The following SMOC2 variants were observed in gnomAD, a reference collection of about 807,000 sequenced individuals.
The protein encoded by SMOC2 is SPARC related modular calcium binding 2.
SMOC2 carries 39 observed loss-of-function variants against 61.4 expected under a neutral mutation model. That is an observed-to-expected ratio of 0.64 (90% CI 0.49 to 0.83). The LOEUF is 0.83. Ranked by LOEUF, SMOC2 falls within the 40% of genes least tolerant of loss-of-function variation. SMOC2 has a pLI of 0.00. For synonymous variants in SMOC2, 247 were observed against 239.9 expected (o/e 1.03, Z -0.27); for missense variants, 556 against 592.9 (o/e 0.94, Z 0.65).
chr6:168,469,379 G>A (rs187342303), intron 1 of SMOC2, among the ~76,000 whole-genome samples: 48 of 152,188 alleles, frequency 3.2e-4, no homozygotes. Context: ...AAAACTGAAA[G>A]GAGGGACAGG....
At chr6:168,652,861 C>A (rs1225969235) in intron 10 of SMOC2, 93 bp from the exon 11 acceptor site, 7 of 1,212,296 alleles carry the variant, frequency 5.8e-6, no homozygotes, top group South Asian at 1.5e-5. Context: ...ATGAGAACTA[C>A]AAGCAGGGGT....
chr6:168,613,143 G>A (rs561352965), intron 9 of SMOC2, among the ~76,000 whole-genome samples: 25 of 152,298 alleles, frequency 1.6e-4, no homozygotes, highest in Admixed American at 7.8e-4. Context: ...TCATTGTGAC[G>A]ATCTGCGCTG....
chr6:168,528,508 C>T (rs1229146249), intron 4 of SMOC2, among the ~76,000 whole-genome samples: 2 of 152,170 alleles, frequency 1.3e-5, no homozygotes, highest in African/African-American at 2.4e-5. Context: ...AATCTTGAAA[C>T]ATTTGCATTT....
rs933305824 is a variant in SMOC2, at chr6:168,535,777, G to C, written c.464-7848G>C. On this transcript the variant is annotated intron_variant, in intron 4 of 12. Transcript: ENST00000356284. This position sits in a 1 kb window ranked among gnomAD's most constrained non-coding sequence, Gnocchi z 4.6. ...AGGATGTCAGGAGAGAGGCAGCGCC[G>C]CCGGGGGAAGATGGGAGGGAGACCA... Among the ~76,000 whole-genome samples, 1 of 152,200 alleles carries C rather than the reference G, an allele frequency of 6.6e-6. No individual in the cohort carries two copies. The highest frequency in any genetic ancestry group is 1.5e-5 in the Non-Finnish European group (1 of 68,042).
intron 1 of SMOC2, among the ~76,000 whole-genome samples, chr6:168,445,785 C>T (rs1190043169): frequency 3.3e-5 from 5 of 152,182 alleles, no homozygotes; most frequent in African/African-American, 7.2e-5. Context: ...ATTTACATGG[C>T]GTCTAAAAAC....
intron 4 of SMOC2, among the ~76,000 whole-genome samples, chr6:168,542,934 A>G (rs1472209042): frequency 2.0e-5 from 3 of 152,228 alleles, no homozygotes; most frequent in Non-Finnish European, 4.4e-5. Context: ...GTGTATGGCT[A>G]TGGGAATTCC....
At chr6:168,638,844 A>G (rs1012896333) in intron 9 of SMOC2, among the ~76,000 whole-genome samples, 5 of 152,176 alleles carry the variant, frequency 3.3e-5, no homozygotes, top group Non-Finnish European at 4.4e-5. Context: ...AAAAGAATTC[A>G]TAGTTAGACA....
intron 4 of SMOC2, among the ~76,000 whole-genome samples, chr6:168,533,571 C>T (rs183168475): frequency 1.1e-3 from 163 of 152,256 alleles, no homozygotes; most frequent in Middle Eastern, 3.4e-3. Flanking sequence ...GAGGCAGCTG[C>T]GTTTGGTCTC....
chr6:168,646,715 C>T (rs1343561443), intron 9 of SMOC2, among the ~76,000 whole-genome samples: 1 of 152,182 alleles, frequency 6.6e-6, no homozygotes, highest in East Asian at 1.9e-4. Flanking sequence ...GCCAGTTCAG[C>T]CACTTTGTTG....
chr6:168,576,717 T>G (rs2115151481), intron 7 of SMOC2, among the ~76,000 whole-genome samples: 1 of 152,174 alleles, frequency 6.6e-6, no homozygotes, highest in Middle Eastern at 3.4e-3. Flanking sequence ...AGGGAAGGTT[T>G]CCCTGAGGAA....
chr6:168,573,001 T>C (rs1272760217), intron 7 of SMOC2, among the ~76,000 whole-genome samples: 3 of 78,472 alleles, frequency 3.8e-5, no homozygotes, highest in South Asian at 5.0e-4. Context: ...CCCCGGGTGC[T>C]GGGACCAGGG....
intron 11 of SMOC2, among the ~76,000 whole-genome samples, chr6:168,659,990 G>A (rs959653587): frequency 1.3e-5 from 2 of 151,186 alleles, no homozygotes; most frequent in African/African-American, 2.4e-5. Flanking sequence ...GAGTGAGGGT[G>A]GAGGTTGTTG....
At chr6:168,564,883 G>A (rs1784508858) in intron 7 of SMOC2, among the ~76,000 whole-genome samples, 1 of 152,230 alleles carries the variant, frequency 6.6e-6, no homozygotes, top group Non-Finnish European at 1.5e-5. Flanking sequence ...GGTTAACCTG[G>A]ACCTGGAGGG....
At chr6:168,570,528 T>G (rs6455534) in intron 7 of SMOC2, among the ~76,000 whole-genome samples, 12,801 of 152,210 alleles carry the variant, frequency 0.084, 823 homozygotes, top group East Asian at 0.18. Context: ...GGCCCTGTGT[T>G]GTGTGTGGGA....
chr6:168,629,439 C>T (rs543606889), intron 9 of SMOC2, among the ~76,000 whole-genome samples: 6 of 152,344 alleles, frequency 3.9e-5, no homozygotes, highest in East Asian at 1.9e-4. Flanking sequence ...GGGCACCTGT[C>T]GCCACAGGAC....
chr6:168,649,840 A>G (rs910130484), intron 9 of SMOC2, among the ~76,000 whole-genome samples: 1 of 152,242 alleles, frequency 6.6e-6, no homozygotes, highest in African/African-American at 2.4e-5. Flanking sequence ...CACCCTGGGC[A>G]TAAGGACACG....
chr6:168,441,288 C>T lies in SMOC2; in HGVS notation c.-83C>T. On this transcript the variant is annotated 5_prime_UTR_variant, in exon 1 of 13. Transcript: ENST00000356284. Reference sequence around the variant, plus strand: ...CCGCCCCTCCACGCGCCCGCCCAGCCGCGCTCGCCCACTGGGCTCTCCCGG... The same window carrying T: ...CCGCCCCTCCACGCGCCCGCCCAGCTGCGCTCGCCCACTGGGCTCTCCCGG... 2.1e-6 allele frequency: 3 copies of T among 1,420,662 alleles called. No homozygotes were observed. The highest frequency in any genetic ancestry group is 1.5e-5 in the South Asian group (1 of 66,044). The allele number at this position is 1,420,662 out of a possible 1,614,324, so 88.0% of individuals were successfully genotyped here.
intron 7 of SMOC2, among the ~76,000 whole-genome samples, chr6:168,569,696 G>A (rs7747467): frequency 5.3e-5 from 8 of 152,026 alleles, no homozygotes; most frequent in Non-Finnish European, 7.4e-5. Context: ...TGCCTGTCTC[G>A]GCCTTCCAGA....
chr6:168,575,473 T>G (rs1784778473), intron 7 of SMOC2, among the ~76,000 whole-genome samples: 1 of 152,138 alleles, frequency 6.6e-6, no homozygotes, highest in Admixed American at 6.5e-5. Context: ...GTGGGGACCC[T>G]GCAAACAGCC....
Sources: allele counts gnomAD v4.1 joint callset (sites outside exome capture counted in the v4.1 genomes callset), GRCh38; gene constraint gnomAD v4.1.1; non-coding constraint Gnocchi (gnomAD v3.1); transcripts MANE v1.5; gene names NCBI Gene and HGNC (gene_info 2026-07-23, HGNC 2026-07-21).